The following CLSTN2 variants were observed in gnomAD, a reference collection of about 807,000 sequenced individuals.
CLSTN2 encodes calsyntenin-2.
In CLSTN2, 48 loss-of-function variants were observed where a neutral mutation model predicts 101.2. That is an observed-to-expected ratio of 0.47 (90% CI 0.38 to 0.60). The LOEUF (loss-of-function observed/expected upper bound fraction) is 0.60, where lower values mean the gene tolerates loss of function less well. Ranked by LOEUF, CLSTN2 falls within the 20% of genes least tolerant of loss-of-function variation. The pLI, the probability that CLSTN2 is intolerant of heterozygous loss-of-function variation, is 0.00. For missense variants in CLSTN2, 1,160 were observed against 1,238.2 expected (o/e 0.94, Z 0.95); for synonymous variants, 481 against 463.6 (o/e 1.04, Z -0.48).
chr3:140,358,198 A>G (rs1229928636), intron 2 of CLSTN2, among the ~76,000 whole-genome samples: 3 of 152,086 alleles, frequency 2.0e-5, no homozygotes, highest in Non-Finnish European at 2.9e-5. Flanking sequence ...TTAGGGAGAC[A>G]TGGCCAAGCC....
At chr3:140,560,971 G>T (rs1935900988) in intron 12 of CLSTN2, among the ~76,000 whole-genome samples, 1 of 151,734 alleles carries the variant, frequency 6.6e-6, no homozygotes, top group Non-Finnish European at 1.5e-5. Flanking sequence ...TAAAAATTAA[G>T]ATAAAGAAAT....
chr3:140,540,258 G>T (rs1576618525), intron 9 of CLSTN2, among the ~76,000 whole-genome samples: 3 of 152,250 alleles, frequency 2.0e-5, no homozygotes, highest in East Asian at 3.9e-4. Context: ...ATAAATATGT[G>T]CTGGAAAGCC....
chr3:140,091,483 G>A lies in CLSTN2; in HGVS notation c.110-84468G>A, dbSNP rs574196922. On this transcript the variant is annotated intron_variant, in intron 1 of 16. Transcript: ENST00000458420. ...AGAAAACACCAGAGCCTGCCTGGGC[G>A]GTATGTGGCAGTCACAGAAGCCCAG... Among the ~76,000 whole-genome samples the A allele has an allele frequency of 1.8e-4, 28 of 152,254 alleles. 1 individual carries two copies. In the South Asian group the frequency reaches 4.8e-3, roughly 26 times the overall value.
At chr3:140,535,111 A>G (rs1326391194) in intron 9 of CLSTN2, among the ~76,000 whole-genome samples, 1 of 152,194 alleles carries the variant, frequency 6.6e-6, no homozygotes, top group East Asian at 1.9e-4. Flanking sequence ...CCTCCCCACC[A>G]ACACACACAC....
At chr3:140,233,176 C>A (rs548952619) in intron 2 of CLSTN2, among the ~76,000 whole-genome samples, 2 of 152,190 alleles carry the variant, frequency 1.3e-5, no homozygotes, top group Admixed American at 1.3e-4. Context: ...CCTTCTCAGA[C>A]TCAAGTCTCT....
intron 1 of CLSTN2, among the ~76,000 whole-genome samples, chr3:140,027,318 C>A (rs1304410144): frequency 6.6e-6 from 1 of 151,916 alleles, no homozygotes; most frequent in African/African-American, 2.4e-5. Context: ...AAGGTGGGTC[C>A]CAAATTCAAT....
chr3:139,949,661 A>C (rs981500173), intron 1 of CLSTN2, among the ~76,000 whole-genome samples: 1 of 152,208 alleles, frequency 6.6e-6, no homozygotes, highest in Non-Finnish European at 1.5e-5. Context: ...TACCTTTGCT[A>C]TCAGTGAATT....
intron 1 of CLSTN2, among the ~76,000 whole-genome samples, chr3:140,166,192 A>G (rs2010131821): frequency 6.6e-6 from 1 of 152,160 alleles, no homozygotes. Flanking sequence ...CCATTGCCAA[A>G]TGAGCTCTAG....
chr3:140,241,858 C>CAT (rs1483868094), intron 2 of CLSTN2, among the ~76,000 whole-genome samples: 2 of 136,032 alleles, frequency 1.5e-5, no homozygotes, highest in African/African-American at 3.0e-5. Flanking sequence ...TATATATACA[C>CAT]ATATATATAC....
intron 5 of CLSTN2, among the ~76,000 whole-genome samples, chr3:140,441,937 A>C (rs911028182): frequency 6.6e-6 from 1 of 152,190 alleles, no homozygotes; most frequent in Non-Finnish European, 1.5e-5. Context: ...TTGTACACTC[A>C]GAAGCGGAAG....
At chr3:140,535,957 T>G (rs1280914016) in intron 9 of CLSTN2, among the ~76,000 whole-genome samples, 1 of 152,196 alleles carries the variant, frequency 6.6e-6, no homozygotes, top group East Asian at 1.9e-4. Context: ...CTGAGACATA[T>G]GACAACCCTG....
chr3:140,041,843 C>T (rs2007766533), intron 1 of CLSTN2, among the ~76,000 whole-genome samples: 1 of 152,174 alleles, frequency 6.6e-6, no homozygotes, highest in Non-Finnish European at 1.5e-5. Flanking sequence ...GCAGCAGCCC[C>T]TGCGATAGCT....
intron 5 of CLSTN2, among the ~76,000 whole-genome samples, chr3:140,448,260 C>T (rs1041716692): frequency 1.3e-5 from 2 of 151,330 alleles, no homozygotes; most frequent in Non-Finnish European, 2.9e-5. Context: ...TGAGTATGCA[C>T]GTGCCTGCAC....
At chr3:140,123,360 C>G (rs2009375713) in intron 1 of CLSTN2, among the ~76,000 whole-genome samples, 1 of 152,056 alleles carries the variant, frequency 6.6e-6, no homozygotes, top group Non-Finnish European at 1.5e-5. Flanking sequence ...TAAGTTTCAA[C>G]ATGAATTTTG....
At chr3:140,375,455 C>G (rs894029011) in intron 2 of CLSTN2, among the ~76,000 whole-genome samples, 3 of 152,178 alleles carry the variant, frequency 2.0e-5, no homozygotes, top group African/African-American at 4.8e-5. Context: ...GGGGACCCAG[C>G]CTTAAGCACA....
chr3:139,995,126 C>A (rs1197887865), intron 1 of CLSTN2, among the ~76,000 whole-genome samples: 1 of 152,100 alleles, frequency 6.6e-6, no homozygotes, highest in Non-Finnish European at 1.5e-5. Context: ...CACGGGTCTT[C>A]TTTGGAATCA....
chr3:140,268,346 CCT>C (rs919485599), intron 2 of CLSTN2, among the ~76,000 whole-genome samples: 1 of 152,150 alleles, frequency 6.6e-6, no homozygotes, highest in African/African-American at 2.4e-5. Context: ...TACAACACCC[CCT>C]GTTGGGCTGG....
At chr3:140,229,029 G>A (rs766468891) in intron 2 of CLSTN2, among the ~76,000 whole-genome samples, 1 of 152,172 alleles carries the variant, frequency 6.6e-6, no homozygotes, top group Admixed American at 6.5e-5. Flanking sequence ...CCCTTGAGGT[G>A]AGGAATTAGA....
At position 140,018,807 on chromosome 3, in the gene CLSTN2, A is replaced by G. The variant is rs189260146; in HGVS notation, c.109+83324A>G. ...GCCCCAAGTCACTCAAGATAAGGAG[A>G]TAAGCTAAGTAAACATTAAGTACTC... On this transcript the variant is annotated intron_variant, in intron 1 of 16. Transcript: ENST00000458420. 5.0e-3 allele frequency among the ~76,000 whole-genome samples: 762 copies of G among 152,318 alleles called. 2 individuals carry two copies. The highest frequency in any genetic ancestry group is 8.1e-3 in the Non-Finnish European group (553 of 68,028).
Sources: gnomAD v4.1 joint callset for allele counts (sites outside exome capture counted in the v4.1 genomes callset) on GRCh38, gnomAD v4.1.1 for gene constraint, MANE v1.5 for transcripts, NCBI Gene and HGNC (gene_info 2026-07-23, HGNC 2026-07-21) for gene names.